TRPM3: variants seen among roughly 807,000 people sequenced by gnomAD.
TRPM3 encodes the protein transient receptor potential cation channel subfamily M member 3, also known as long transient receptor potential channel 3.
A neutral mutation model predicts 181.2 loss-of-function variants in TRPM3; 77 were observed. The observed-to-expected ratio is 0.42, with a 90% CI of 0.35 to 0.51. TRPM3 has a LOEUF of 0.51. TRPM3 is among the 20% of genes least tolerant of loss of function. The probability of loss-of-function intolerance (pLI) is 0.01; values close to 1 mark genes in which losing one functional copy is unlikely to be tolerated. For missense variants in TRPM3, 1,759 were observed against 2,196.7 expected (o/e 0.80, Z 3.98); for synonymous variants, 745 against 796.4 (o/e 0.94, Z 1.09).
At chr9:71,012,318 G>C (rs761695771) in intron 1 of TRPM3, among the ~76,000 whole-genome samples, 6 of 151,682 alleles carry the variant, frequency 4.0e-5, no homozygotes, top group Non-Finnish European at 7.4e-5. Flanking sequence ...ATACATGTGA[G>C]TTTATTTTTT....
intron 1 of TRPM3, among the ~76,000 whole-genome samples, chr9:70,871,727 G>T (rs2095793189): frequency 6.6e-6 from 1 of 151,818 alleles, no homozygotes; most frequent in Non-Finnish European, 1.5e-5. Context: ...CTCCCAACAG[G>T]GTATATTATC....
At chr9:71,280,516 A>T (rs2084624014) in intron 1 of TRPM3, among the ~76,000 whole-genome samples, 1 of 152,102 alleles carries the variant, frequency 6.6e-6, no homozygotes, top group South Asian at 2.1e-4. Context: ...CATCTCAGAA[A>T]AAAAAAGAAA....
At chr9:71,088,409 C>T (rs1413244413) in intron 1 of TRPM3, among the ~76,000 whole-genome samples, 1 of 151,990 alleles carries the variant, frequency 6.6e-6, no homozygotes, top group Non-Finnish European at 1.5e-5. Flanking sequence ...ACCCTCAAAT[C>T]TAGTATATCA....
intron 1 of TRPM3, among the ~76,000 whole-genome samples, chr9:71,163,690 G>C (rs137937492): frequency 6.6e-6 from 1 of 152,068 alleles, no homozygotes; most frequent in South Asian, 2.1e-4. Flanking sequence ...GCACATCTAA[G>C]ATATAAAGTA....
At chr9:70,545,479 G>A (rs1416005648) in intron 25 of TRPM3, among the ~76,000 whole-genome samples, 1 of 151,844 alleles carries the variant, frequency 6.6e-6, no homozygotes, top group East Asian at 1.9e-4. Flanking sequence ...ACAGCACAGT[G>A]GGGAGATGAC....
chr9:71,398,548 T>C (rs1007942873), intron 1 of TRPM3, among the ~76,000 whole-genome samples: 1 of 152,148 alleles, frequency 6.6e-6, no homozygotes, highest in Admixed American at 6.5e-5. Context: ...GGAGATCTGA[T>C]GGTTTAAAAG....
chr9:70,764,427 T>A (rs2078711468), intron 7 of TRPM3, among the ~76,000 whole-genome samples: 1 of 152,204 alleles, frequency 6.6e-6, no homozygotes, highest in South Asian at 2.1e-4. Context: ...CTACCAACCA[T>A]CTGTAATGAA....
intron 22 of TRPM3, among the ~76,000 whole-genome samples, chr9:70,579,890 G>C (rs2055174189): frequency 6.6e-6 from 1 of 152,172 alleles, no homozygotes; most frequent in South Asian, 2.1e-4. Flanking sequence ...CAGACACTCA[G>C]TTGCCTCATG....
intron 1 of TRPM3, among the ~76,000 whole-genome samples, chr9:70,940,797 G>A (rs1350486725): frequency 6.6e-6 from 1 of 152,108 alleles, no homozygotes; most frequent in East Asian, 1.9e-4. Flanking sequence ...GTTTTATGCT[G>A]AGGGAGCACC....
At chr9:71,103,381 G>C (rs2068772383) in intron 1 of TRPM3, among the ~76,000 whole-genome samples, 1 of 152,180 alleles carries the variant, frequency 6.6e-6, no homozygotes, top group African/African-American at 2.4e-5. Context: ...TCCTGTGAAA[G>C]CTAGTCTCTC....
At chr9:70,885,984 G>C (rs1265310699) in intron 1 of TRPM3, among the ~76,000 whole-genome samples, 1 of 152,106 alleles carries the variant, frequency 6.6e-6, no homozygotes, top group South Asian at 2.1e-4. Flanking sequence ...TTTTCAATCT[G>C]TATGTTGTAA....
rs536054730 is a variant in TRPM3 at position 71,340,837 on chromosome 9, T to C, written c.183+105816A>G. 5.9e-5 allele frequency among the ~76,000 whole-genome samples: 9 copies of C among 152,206 alleles called. No individual in the cohort carries two copies. In the South Asian group the frequency reaches 1.9e-3, roughly 32 times the overall value. On this transcript the variant is annotated intron_variant, in intron 1 of 24. Transcript: ENST00000357533. ...TTCCAGTAAAAGAAACCAGGGCTCC[T>C]TGTAGAAGTGGTCATTCTAGAGGAA...
chr9:71,330,216 C>A (rs1238789983), intron 1 of TRPM3, among the ~76,000 whole-genome samples: 1 of 151,834 alleles, frequency 6.6e-6, no homozygotes, highest in African/African-American at 2.4e-5. Context: ...GCAGAAATTG[C>A]AGTCTGAATC....
rs190919683 is a variant in TRPM3, at chr9:70,580,047, G to A, written c.3223+10984C>T. ...GAGCGATTCACATACTTCACATTAA[G>A]GCGAGAAGAGTCAGCAGGTTTAACC... is the stretch of plus-strand genomic sequence containing the variant. On this transcript the variant is annotated intron_variant, in intron 22 of 25. Coordinates refer to ENST00000677713, the MANE Select transcript of TRPM3 (RefSeq NM_001366145.2). 1.1e-3 allele frequency among the ~76,000 whole-genome samples: 170 copies of A among 152,282 alleles called. 3 individuals carry two copies. The highest frequency in any genetic ancestry group is 3.8e-3 in the African/African-American group (157 of 41,564).
At chr9:70,893,940 T>C (rs1312725686) in intron 1 of TRPM3, among the ~76,000 whole-genome samples, 1 of 152,186 alleles carries the variant, frequency 6.6e-6, no homozygotes, top group African/African-American at 2.4e-5. Context: ...AAATTTCTTC[T>C]ACTGGAAAAT....
chr9:71,418,916 ATGTGTGTGTG>A (rs35207861), intron 1 of TRPM3, among the ~76,000 whole-genome samples: 1 of 66,230 alleles, frequency 1.5e-5, no homozygotes, highest in Non-Finnish European at 4.4e-5. Context: ...GTGTATATAT[ATGTGTGTGTG>A]TGTATATATA....
chr9:70,843,814 C>T (rs201742361), intron 4 of TRPM3, among the ~76,000 whole-genome samples: 2 of 152,106 alleles, frequency 1.3e-5, no homozygotes, highest in Admixed American at 1.3e-4. Context: ...AAAGAAGATG[C>T]AATTTCTAAT....
chr9:70,963,289 A>G (rs914033793), intron 1 of TRPM3, among the ~76,000 whole-genome samples: 22 of 152,222 alleles, frequency 1.4e-4, no homozygotes, highest in Non-Finnish European at 2.4e-4. Flanking sequence ...TATCATAACC[A>G]CAGAATAAGG....
intron 1 of TRPM3, among the ~76,000 whole-genome samples, chr9:71,320,372 T>C (rs1041988192): frequency 3.3e-5 from 5 of 150,976 alleles, no homozygotes; most frequent in African/African-American, 9.7e-5. Context: ...AGCAATCTCA[T>C]GAAACAGAGT....
Sources: allele counts gnomAD v4.1 joint callset (sites outside exome capture counted in the v4.1 genomes callset), GRCh38; gene constraint gnomAD v4.1.1; transcripts MANE v1.5; gene names NCBI Gene and HGNC (gene_info 2026-07-23, HGNC 2026-07-21).